Variants in SLC38A6 observed in about 807,000 individuals in gnomAD.
SLC38A6 encodes N system amino acid transporter NAT-1.
In SLC38A6, 73 loss-of-function variants were observed where a neutral mutation model predicts 65.0. That is an observed-to-expected ratio of 1.12 (90% CI 0.93 to 1.37). The LOEUF (loss-of-function observed/expected upper bound fraction) is 1.37. SLC38A6 is among the 40% of genes most tolerant of loss of function. The pLI is 0.00. For synonymous variants in SLC38A6, 183 were observed against 178.8 expected (o/e 1.02, Z -0.19); for missense variants, 561 against 531.1 (o/e 1.06, Z -0.55).
intron 5 of SLC38A6, among the ~76,000 whole-genome samples, chr14:61,020,239 A>C (rs2040272501): frequency 6.6e-6 from 1 of 152,128 alleles, no homozygotes; most frequent in African/African-American, 2.4e-5. Context: ...TGTTGTAAAG[A>C]AGTTGCGTAG....
chr14:61,036,634 T>C (rs2041395673), intron 6 of SLC38A6, among the ~76,000 whole-genome samples: 1 of 152,184 alleles, frequency 6.6e-6, no homozygotes, highest in Admixed American at 6.5e-5. Context: ...GTGTATGTTC[T>C]TATTATTTTT....
chr14:61,019,237 CTT>C (rs1386988727), intron 4 of SLC38A6, among the ~76,000 whole-genome samples: 1 of 152,142 alleles, frequency 6.6e-6, no homozygotes, highest in Non-Finnish European at 1.5e-5. Context: ...CACTCCCACA[CTT>C]TTAATTTTTA....
chr14:60,982,280 T>C lies in SLC38A6; in HGVS notation c.106-228T>C, dbSNP rs1357574162. 6.9e-6 allele frequency: 4 copies of C among 577,214 alleles called. No homozygotes were observed. In the Admixed American group the frequency reaches 8.7e-5, roughly 13 times the overall value. The allele number at this position is 577,214 out of a possible 1,614,324, so 35.8% of individuals were successfully genotyped here. ...CCCTTCCTGAACTCTGCCTGTCTTGTGTACTGGTGGAAATCATTTTCCTAA... is the reference window on the plus strand; with the variant it reads ...CCCTTCCTGAACTCTGCCTGTCTTGCGTACTGGTGGAAATCATTTTCCTAA... On this transcript the variant is annotated intron_variant, in intron 1 of 15. Transcript: ENST00000267488.
intron 16 of SLC38A6, among the ~76,000 whole-genome samples, chr14:61,080,291 T>C (rs1594805062): frequency 6.6e-6 from 1 of 152,278 alleles, no homozygotes; most frequent in African/African-American, 2.4e-5. Flanking sequence ...TCGTGTTCTC[T>C]AGAGCTGGCG....
chr14:61,000,638 GA>G (rs529854636), intron 3 of SLC38A6, among the ~76,000 whole-genome samples: 34 of 149,704 alleles, frequency 2.3e-4, no homozygotes, highest in East Asian at 9.8e-4. Flanking sequence ...ACTTCCAAGG[GA>G]AAAAAAAAAT....
At chr14:60,988,288 T>C (rs1297020412) in intron 3 of SLC38A6, among the ~76,000 whole-genome samples, 1 of 152,196 alleles carries the variant, frequency 6.6e-6, no homozygotes, top group African/African-American at 2.4e-5. Flanking sequence ...CAGCTTTTAA[T>C]CTCATGAATG....
At chr14:60,988,266 C>T (rs992378928) in intron 3 of SLC38A6, among the ~76,000 whole-genome samples, 2 of 152,172 alleles carry the variant, frequency 1.3e-5, no homozygotes, top group Non-Finnish European at 2.9e-5. Flanking sequence ...ATCTTCCTCT[C>T]CTTGAACCCC....
intron 3 of SLC38A6, among the ~76,000 whole-genome samples, chr14:61,003,982 A>G (rs1413011066): frequency 7.9e-5 from 12 of 152,152 alleles, no homozygotes; most frequent in Non-Finnish European, 1.6e-4. Context: ...ATATTCTTAT[A>G]AAACTAAAAA....
chr14:61,076,201 G>A (rs571280163), intron 15 of SLC38A6, among the ~76,000 whole-genome samples: 3 of 152,190 alleles, frequency 2.0e-5, no homozygotes, highest in Admixed American at 6.5e-5. Context: ...ATCAGAGGGA[G>A]TGGGGCCCCT....
intron 5 of SLC38A6, 40 bp downstream of exon 5, chr14:61,019,620 T>C: frequency 1.9e-6 from 3 of 1,584,452 alleles, no homozygotes; most frequent in Non-Finnish European, 2.6e-6. Context: ...ATAAATGTGA[T>C]GGCAATAATG....
intron 3 of SLC38A6, among the ~76,000 whole-genome samples, chr14:61,004,052 G>A (rs2038902257): frequency 1.3e-5 from 2 of 152,086 alleles, no homozygotes; most frequent in Admixed American, 1.3e-4. Context: ...TGTCAGAGTT[G>A]CATTTCAAAC....
chr14:61,033,050 C>A (rs1414745625), intron 6 of SLC38A6, among the ~76,000 whole-genome samples: 4 of 151,848 alleles, frequency 2.6e-5, no homozygotes, highest in Admixed American at 6.6e-5. Context: ...CTATATATTT[C>A]ATAGAATAAC....
chr14:61,043,490 A>C lies in SLC38A6; in HGVS notation c.731A>C (p.His244Pro), dbSNP rs1434144267. ...VTDDCKPKLF[H>P]FSKESAYALP... ...GATGATTGTAAGCCAAAGCTCTTTC[A>C]TTTCTCCAAAGAGGTGTGTAAGTTA... Residue 244 changes from histidine (H) to proline (P), a missense_variant, in exon 10 of 16, where the codon CAT becomes CCT. Physicochemically the swap from His to Pro is moderately conservative, Grantham distance 77 (BLOSUM62 -2). Transcript: ENST00000267488. 1 of 1,607,352 alleles carries C rather than the reference A, an allele frequency of 6.2e-7. No individual in the cohort carries two copies. Among genetic ancestry groups the C allele is most frequent in the Admixed American group, 1.7e-5 (1 of 58,828 alleles).
Position 61,046,170 on chromosome 14 carries a change from A to G in SLC38A6, c.925+3A>G, listed in dbSNP as rs2042135129. 1 of 1,554,610 alleles carries G rather than the reference A, an allele frequency of 6.4e-7. No homozygotes were observed. Among genetic ancestry groups the G allele is most frequent in the Non-Finnish European group, 8.8e-7 (1 of 1,129,990 alleles). On this transcript the variant is annotated splice_donor_region_variant and intron_variant, in intron 12 of 15. Transcript: ENST00000267488. ...CTTTGGGTACCTCACTTTTTATGGT[A>G]AGTACATTTTAAAATTATAGATGAC... is the stretch of plus-strand genomic sequence containing the variant.
chr14:61,054,375 A>G (rs2042633332), downstream of SLC38A6, among the ~76,000 whole-genome samples: 6 of 152,258 alleles, frequency 3.9e-5, no homozygotes, highest in South Asian at 1.0e-3. Flanking sequence ...TTGGTTCCAT[A>G]TGAATTTTAA....
In SLC38A6 at chr14:61,061,403, A is replaced by G. The variant is rs1039194107; in HGVS notation, c.1290+9268A>G. On this transcript the variant is annotated intron_variant, in intron 15 of 16. Coordinates refer to the SLC38A6 transcript ENST00000354886. ...TATTGACCTGAAGTTTTCTTTTTTT[A>G]TTGTGTCTCTGTCATGTTTTAGTAT... Among the ~76,000 whole-genome samples the G allele has an allele frequency of 7.9e-5, 12 of 151,888 alleles. No homozygotes were observed. In the East Asian group the frequency reaches 1.2e-3, roughly 15 times the overall value.
intron 6 of SLC38A6, among the ~76,000 whole-genome samples, chr14:61,035,188 A>T (rs1375755645): frequency 4.6e-5 from 7 of 152,144 alleles, no homozygotes; most frequent in African/African-American, 1.4e-4. Flanking sequence ...GTGTGTATGT[A>T]TGTGTATACA....
chr14:61,015,097 C>G (rs538867871), intron 3 of SLC38A6, among the ~76,000 whole-genome samples: 1 of 152,350 alleles, frequency 6.6e-6, no homozygotes, highest in Non-Finnish European at 1.5e-5. Flanking sequence ...GCCCATCCCC[C>G]AGCCTCGCTG....
intron 3 of SLC38A6, among the ~76,000 whole-genome samples, chr14:60,992,766 A>G (rs901226405): frequency 4.0e-5 from 6 of 151,872 alleles, no homozygotes; most frequent in African/African-American, 1.5e-4. Flanking sequence ...GCCAAACCGC[A>G]ACCTCCGCCT....
Sources: gnomAD v4.1 joint callset for allele counts (sites outside exome capture counted in the v4.1 genomes callset) on GRCh38, gnomAD v4.1.1 for gene constraint, MANE v1.5 for transcripts, NCBI Gene and HGNC (gene_info 2026-07-23, HGNC 2026-07-21) for gene names.